Variants in SKI observed in about 807,000 individuals in gnomAD.
The protein encoded by SKI is ski oncogene.
A neutral mutation model predicts 59.3 loss-of-function variants in SKI; 23 were observed. The ratio of observed to expected loss-of-function variants is 0.39; its 90% CI spans 0.28 to 0.55. The LOEUF (loss-of-function observed/expected upper bound fraction) is 0.55. SKI is among the 20% of genes least tolerant of loss of function. The pLI, the probability that SKI is intolerant of heterozygous loss-of-function variation, is 0.67. For missense variants in SKI, 1,017 were observed against 1,038.9 expected (o/e 0.98, Z 0.29); for synonymous variants, 673 against 488.6 (o/e 1.38, Z -4.98).
chr1:2,229,793 T>C lies in SKI; in HGVS notation c.969+58T>C. On this transcript the variant is annotated intron_variant, in intron 1 of 6. Coordinates refer to ENST00000378536, the MANE Select transcript of SKI (RefSeq NM_003036.4). This position sits in a 1 kb window ranked among gnomAD's most constrained non-coding sequence, Gnocchi z 6.3. ...ATGCGCTTGGGGTGGGGGCCCCTTC[T>C]GGACTACAGGCTCTGGTCTCCGAAG... is the stretch of plus-strand genomic sequence containing the variant. 1 of 1,549,092 alleles carries C rather than the reference T, an allele frequency of 6.5e-7. No homozygotes were observed. The highest frequency in any genetic ancestry group is 2.0e-5 in the Admixed American group (1 of 51,006).
Position 2,229,875 on chromosome 1 carries a change from G to A in SKI, c.969+140G>A, listed in dbSNP as rs2100791560. 2 of 1,452,522 alleles carry A rather than the reference G, an allele frequency of 1.4e-6. No homozygotes were observed. The allele number at this position is 1,452,522 out of a possible 1,614,324, so 90.0% of individuals were successfully genotyped here. A position where few individuals can be genotyped will look rare whatever the true frequency, so the allele number is the denominator to read the frequency against. On this transcript the variant is annotated intron_variant, in intron 1 of 6. Coordinates refer to ENST00000378536, the MANE Select transcript of SKI (RefSeq NM_003036.4). This position sits in a 1 kb window ranked among gnomAD's most constrained non-coding sequence, Gnocchi z 6.3. ...TCTCCAGTCTTCGCTTTGTTTTAGGGAAATTCAGAGTGTTCCGACTGGCAG... is the reference window on the plus strand; with the variant it reads ...TCTCCAGTCTTCGCTTTGTTTTAGGAAAATTCAGAGTGTTCCGACTGGCAG...
At chr1:2,233,044 T>G (rs1638676370) in intron 1 of SKI, among the ~76,000 whole-genome samples, 4 of 152,186 alleles carry the variant, frequency 2.6e-5, no homozygotes, top group Admixed American at 2.0e-4. Flanking sequence ...AGACAAAATG[T>G]GGCAGTTGGA....
At chr1:2,291,039 G>A (rs1269109790) in intron 1 of SKI, among the ~76,000 whole-genome samples, 1 of 152,230 alleles carries the variant, frequency 6.6e-6, no homozygotes, top group Non-Finnish European at 1.5e-5. Flanking sequence ...GCCAGTCGCT[G>A]GCAGGAGCGT....
intron 1 of SKI, among the ~76,000 whole-genome samples, chr1:2,275,990 C>G (rs1033705063): frequency 3.3e-5 from 5 of 152,208 alleles, no homozygotes; most frequent in Admixed American, 1.3e-4. Context: ...CAGGCTGGTC[C>G]TGGGGCAGGC....
At chr1:2,289,304 C>T (rs1017647281) in intron 1 of SKI, among the ~76,000 whole-genome samples, 4 of 152,200 alleles carry the variant, frequency 2.6e-5, no homozygotes, top group Non-Finnish European at 4.4e-5. Flanking sequence ...GGCTGTTTGT[C>T]TTCATCCCTC....
intron 1 of SKI, among the ~76,000 whole-genome samples, chr1:2,260,423 C>T (rs954893438): frequency 2.0e-5 from 3 of 151,950 alleles, no homozygotes; most frequent in Admixed American, 6.6e-5. Flanking sequence ...TTCACATTTG[C>T]GCCTTACGTA....
At chr1:2,237,837 C>T (rs943414286) in intron 1 of SKI, among the ~76,000 whole-genome samples, 6 of 152,252 alleles carry the variant, frequency 3.9e-5, no homozygotes, top group African/African-American at 1.4e-4. Context: ...GCAGAACACG[C>T]GTGAACGCCT....
chr1:2,264,448 TTAG>T (rs200938384), intron 1 of SKI, among the ~76,000 whole-genome samples: 1,534 of 152,060 alleles, frequency 0.01, 29 homozygotes, highest in African/African-American at 0.035. Context: ...TTTTGTATTT[TTAG>T]TAGAGACAGG....
intron 6 of SKI, 93 bp from the exon 7 acceptor site, chr1:2,306,484 A>T: frequency 7.6e-7 from 1 of 1,320,586 alleles, no homozygotes; most frequent in South Asian, 1.3e-5. Context: ...GGGGAGGGAC[A>T]GGGAGCGGCG....
Position 2,304,341 on chromosome 1 carries a change from G to T in SKI, c.1523G>T (p.Ser508Ile). 6.4e-7 allele frequency: 1 copy of T among 1,551,578 alleles called. No homozygotes were observed. The highest frequency in any genetic ancestry group is 8.7e-7 in the Non-Finnish European group (1 of 1,146,936). Residue 508 changes from serine (S) to isoleucine (I), a missense_variant, in exon 5 of 7, where the codon AGC (serine) becomes ATC (isoleucine). By Grantham distance (142) the Ser-to-Ile change is moderately radical. Transcript: ENST00000378536. ...SLSSPSFTSS[S>I]SAKDLGSPGA... is the part of the protein sequence containing the mutation. The stretch of plus-strand genomic sequence containing the variant: ...TCTTCCCCGTCCTTTACCTCATCCA[G>T]CTCCGCCAAGGACCTGGGCTCCCCG...
chr1:2,241,548 G>T (rs1156846119), intron 1 of SKI, among the ~76,000 whole-genome samples: 1 of 152,112 alleles, frequency 6.6e-6, no homozygotes, highest in South Asian at 2.1e-4. Context: ...GCCCGCCACC[G>T]TGCCCGGCTA....
intron 1 of SKI, among the ~76,000 whole-genome samples, chr1:2,237,358 C>T (rs1018802554): frequency 6.6e-6 from 1 of 152,190 alleles, no homozygotes; most frequent in African/African-American, 2.4e-5. Context: ...TGCTGTGGTT[C>T]CTGAAGGCTG....
rs1218003372 is a variant in SKI, at chr1:2,267,666, C to CG, written c.970-35306dup. 1.3e-5 allele frequency among the ~76,000 whole-genome samples: 2 copies of CG among 151,930 alleles called. No homozygotes were observed. Among genetic ancestry groups the CG allele is most frequent in the Non-Finnish European group, 2.9e-5 (2 of 67,974 alleles). On this transcript the variant is annotated intron_variant, in intron 1 of 6. Coordinates refer to ENST00000378536, the MANE Select transcript of SKI (RefSeq NM_003036.4). This position sits in a 1 kb window ranked among gnomAD's most constrained non-coding sequence, Gnocchi z 4.1. ...GCCTGGGAAAGGCTTGTTGTGGGGG[C>CG]GGGGGGCGCACCACACTTCAGGGAT...
At chr1:2,306,534 A>T in intron 6 of SKI, 43 bp from the exon 7 acceptor site, 1 of 1,521,192 alleles carries the variant, frequency 6.6e-7, no homozygotes, top group South Asian at 1.2e-5. Flanking sequence ...GGGCCGGGGC[A>T]GGGCAGCGAG....
intron 1 of SKI, among the ~76,000 whole-genome samples, chr1:2,297,733 A>G (rs1308110555): frequency 1.3e-5 from 2 of 152,154 alleles, no homozygotes; most frequent in African/African-American, 4.8e-5. Flanking sequence ...TTGGCCGCAC[A>G]TTTCCCTCCA....
chr1:2,259,693 T>C (rs1639343058), intron 1 of SKI, among the ~76,000 whole-genome samples: 1 of 152,176 alleles, frequency 6.6e-6, no homozygotes, highest in African/African-American at 2.4e-5. Flanking sequence ...CCAGAAGCTC[T>C]CTCCTACCCA....
chr1:2,254,304 G>A (rs1569731794), intron 1 of SKI, among the ~76,000 whole-genome samples: 1 of 152,190 alleles, frequency 6.6e-6, no homozygotes, highest in Non-Finnish European at 1.5e-5. Context: ...CGTTGGAGGG[G>A]GTGGGAGGGC....
intron 1 of SKI, among the ~76,000 whole-genome samples, chr1:2,296,311 C>T (rs1037315693): frequency 2.0e-5 from 3 of 152,038 alleles, no homozygotes; most frequent in Non-Finnish European, 2.9e-5. Flanking sequence ...AGGAGGATTG[C>T]TTGAGCCCTG....
intron 1 of SKI, among the ~76,000 whole-genome samples, chr1:2,252,091 C>A (rs1205734911): frequency 6.6e-6 from 1 of 150,466 alleles, no homozygotes; most frequent in African/African-American, 2.4e-5. Context: ...TCTCTGTGCA[C>A]CCCCCGGTGA....
Sources: gnomAD v4.1 joint callset for allele counts (sites outside exome capture counted in the v4.1 genomes callset) on GRCh38, gnomAD v4.1.1 for gene constraint, Gnocchi (gnomAD v3.1) non-coding constraint, MANE v1.5 for transcripts, NCBI Gene and HGNC (gene_info 2026-07-23, HGNC 2026-07-21) for gene names.